Variants in CDKL4 observed in about 807,000 individuals in gnomAD.
CDKL4 encodes cyclin-dependent kinase-like 4.
Under a neutral mutation model 42.0 loss-of-function variants are expected in CDKL4, and 44 were observed. The observed-to-expected ratio is 1.05, with a 90% CI of 0.82 to 1.35. CDKL4 has a LOEUF of 1.35. Among genes scored for constraint, CDKL4 ranks in the 40% most tolerant of loss-of-function variants. CDKL4 has a pLI of 0.00. For missense variants in CDKL4, 393 were observed against 369.9 expected, an observed-to-expected ratio of 1.06 and a Z score of -0.51; for synonymous variants, 120 against 121.6, an observed-to-expected ratio of 0.99 and a Z score of 0.09.
chr2:39,204,067 C>T (rs1338185998), intron 5 of CDKL4, among the ~76,000 whole-genome samples: 1 of 152,196 alleles, frequency 6.6e-6, no homozygotes, highest in African/African-American at 2.4e-5. Flanking sequence ...TTTCCGTTTT[C>T]TTAGCACTCT....
At chr2:39,218,749 G>A (rs2148365864) in intron 3 of CDKL4, among the ~76,000 whole-genome samples, 1 of 152,254 alleles carries the variant, frequency 6.6e-6, no homozygotes, top group Middle Eastern at 3.4e-3. Context: ...TGGCTCTCAG[G>A]CCTTTGGACT....
chr2:39,189,351 CTA>C (rs1353052647), intron 6 of CDKL4, among the ~76,000 whole-genome samples: 11 of 152,198 alleles, frequency 7.2e-5, no homozygotes, highest in African/African-American at 2.4e-4. Flanking sequence ...ACTTACCTGG[CTA>C]TATGACTTCA....
chr2:39,200,843 A>T (rs1447439863), intron 5 of CDKL4, among the ~76,000 whole-genome samples: 1 of 152,240 alleles, frequency 6.6e-6, no homozygotes, highest in East Asian at 1.9e-4. Flanking sequence ...TCATCTCAAG[A>T]TGGATCAAAG....
downstream of CDKL4, among the ~76,000 whole-genome samples, chr2:39,171,562 T>C (rs1053870050): frequency 2.0e-5 from 3 of 152,100 alleles, no homozygotes; most frequent in African/African-American, 7.2e-5. Context: ...GAAATAGAGA[T>C]TAAAGACAGA....
chr2:39,187,181 C>T (rs1193314859), intron 7 of CDKL4, among the ~76,000 whole-genome samples: 1 of 152,064 alleles, frequency 6.6e-6, no homozygotes, highest in Non-Finnish European at 1.5e-5. Context: ...CTCCTGCCGC[C>T]TTGTGAAGAA....
At chr2:39,210,997 G>A (rs574219439) in intron 4 of CDKL4, among the ~76,000 whole-genome samples, 27 of 152,086 alleles carry the variant, frequency 1.8e-4, no homozygotes, top group Non-Finnish European at 3.2e-4. Context: ...AGCAATCCTA[G>A]ACTGCTATGA....
rs533622664 is a variant in CDKL4 at position 39,237,736 on chromosome 2, AT to A, written c.-57+6134del. On this transcript the variant is annotated intron_variant, in intron 1 of 9. Transcript: ENST00000451199. Reference sequence around the variant, plus strand: ...AATGAAGTGCTCAATATATATGAATATTTTTTTAAAAAAGAAAATAAAAAGT... The same window carrying A: ...AATGAAGTGCTCAATATATATGAATATTTTTTAAAAAAGAAAATAAAAAGT... Among the ~76,000 whole-genome samples the A allele has an allele frequency of 1.6e-3, 244 of 152,220 alleles. 2 individuals carry two copies. The highest frequency in any genetic ancestry group is 5.5e-3 in the African/African-American group (229 of 41,560).
chr2:39,205,759 C>A (rs1296698313), intron 4 of CDKL4, among the ~76,000 whole-genome samples: 250 of 78,594 alleles, frequency 3.2e-3, no homozygotes, highest in African/African-American at 6.6e-3. Flanking sequence ...GACTCCGTCT[C>A]AAAAAAAAAA....
chr2:39,213,498 T>G, intron 3 of CDKL4, 26 bp from the exon 4 acceptor site: 1 of 1,522,060 alleles, frequency 6.6e-7, no homozygotes, highest in Non-Finnish European at 9.1e-7. Flanking sequence ...AAAAAGGAAA[T>G]GAAAACTCAT....
At chr2:39,181,547 G>A (rs904763411) in intron 8 of CDKL4, among the ~76,000 whole-genome samples, 4 of 150,160 alleles carry the variant, frequency 2.7e-5, no homozygotes, top group Non-Finnish European at 5.9e-5. Flanking sequence ...GCAAAAATAT[G>A]TATGTTGAAG....
chr2:39,201,520 G>A (rs986563110), intron 5 of CDKL4, among the ~76,000 whole-genome samples: 1 of 151,888 alleles, frequency 6.6e-6, no homozygotes, highest in Non-Finnish European at 1.5e-5. Flanking sequence ...ATTTGCACAC[G>A]CATGTTTACA....
intron 3 of CDKL4, among the ~76,000 whole-genome samples, chr2:39,224,027 T>C (rs994526913): frequency 2.0e-5 from 3 of 152,060 alleles, no homozygotes; most frequent in African/African-American, 7.2e-5. Context: ...TTTATGAAAG[T>C]TTTTTTTGAA....
At chr2:39,173,424 C>T (rs967832103), downstream of CDKL4, among the ~76,000 whole-genome samples, 1 of 152,106 alleles carries the variant, frequency 6.6e-6, no homozygotes, top group Non-Finnish European at 1.5e-5. Context: ...CACCTGTAAT[C>T]CCAGCACTTT....
chr2:39,213,479 GA>G lies in CDKL4; in HGVS notation c.291-8del, dbSNP rs749447139. The stretch of plus-strand genomic sequence containing the variant: ...GATCACTCCATCAGCAACTCTGAGG[GA>G]AAAAATAAAAAAGGAAATGAAAACT... On this transcript the variant is annotated splice_polypyrimidine_tract_variant and splice_region_variant and intron_variant, in intron 3 of 9. Transcript: ENST00000451199. The G allele has an allele frequency of 1.9e-6, 3 of 1,600,848 alleles. No individual in the cohort carries two copies. Among genetic ancestry groups the G allele is most frequent in the Non-Finnish European group, 1.7e-6 (2 of 1,169,420 alleles).
chr2:39,171,771 TG>T (rs1675005618), downstream of CDKL4, among the ~76,000 whole-genome samples: 2 of 151,988 alleles, frequency 1.3e-5, no homozygotes. Flanking sequence ...GAAACCAAGG[TG>T]GGAAGAGGCC....
rs74469592 is a variant in CDKL4, at chr2:39,191,844, T to C, written c.455-1342A>G. 1.3e-4 allele frequency among the ~76,000 whole-genome samples: 20 copies of C among 152,260 alleles called. No individual in the cohort carries two copies. In the East Asian group the frequency reaches 3.7e-3, roughly 28 times the overall value. Reference sequence around the variant, plus strand: ...CAGGACCCTGAACGATCAGGAGCTGTACAAATGCATTACAGAGGAGGAACA... The same window carrying C: ...CAGGACCCTGAACGATCAGGAGCTGCACAAATGCATTACAGAGGAGGAACA... On this transcript the variant is annotated intron_variant, in intron 5 of 9. Transcript: ENST00000451199.
intron 9 of CDKL4, among the ~76,000 whole-genome samples, chr2:39,178,358 G>A (rs948333549): frequency 1.3e-5 from 2 of 152,160 alleles, no homozygotes; most frequent in Non-Finnish European, 2.9e-5. Context: ...TTAAGCAAAC[G>A]CAAACTGTGA....
At chr2:39,213,319 C>A in intron 4 of CDKL4, 81 bp downstream of exon 4, 1 of 960,328 alleles carries the variant, frequency 1.0e-6, no homozygotes, top group Non-Finnish European at 1.6e-6. Flanking sequence ...GTCTTCAGCT[C>A]TCCAAACAAA....
chr2:39,245,573 A>C (rs1361420327), upstream of CDKL4, among the ~76,000 whole-genome samples: 1 of 152,232 alleles, frequency 6.6e-6, no homozygotes, highest in East Asian at 1.9e-4. Flanking sequence ...CAGGCTGTGA[A>C]CGGAGCAAAA....
Sources: allele counts gnomAD v4.1 joint callset (sites outside exome capture counted in the v4.1 genomes callset), GRCh38; gene constraint gnomAD v4.1.1; transcripts MANE v1.5; gene names NCBI Gene and HGNC (gene_info 2026-07-23, HGNC 2026-07-21).